DPP6: variants seen among roughly 807,000 people sequenced by gnomAD.
The protein encoded by DPP6 is dipeptidyl peptidase like 6.
In DPP6, 69 loss-of-function variants were observed where a neutral mutation model predicts 122.6. The ratio of observed to expected loss-of-function variants is 0.56; its 90% CI spans 0.46 to 0.69. DPP6 has a LOEUF of 0.69. Among genes scored for constraint, DPP6 ranks in the 30% least tolerant of loss-of-function variants. The pLI is 0.00. For synonymous variants in DPP6, 418 were observed against 433.1 expected (o/e 0.97, Z 0.43); for missense variants, 928 against 1,116.9 (o/e 0.83, Z 2.41).
intron 1 of DPP6, among the ~76,000 whole-genome samples, chr7:154,397,316 T>C (rs1815178479): frequency 1.3e-5 from 2 of 152,138 alleles, no homozygotes; most frequent in Non-Finnish European, 2.9e-5. Context: ...TGTTCAATTT[T>C]AATCTATATC....
intron 5 of DPP6, among the ~76,000 whole-genome samples, chr7:154,568,104 C>T (rs1324721040): frequency 1.3e-5 from 2 of 152,160 alleles, no homozygotes; most frequent in East Asian, 1.9e-4. Flanking sequence ...GTGAACTTGA[C>T]ATTCTAAAAG....
chr7:154,826,013 C>T (rs1800117014), intron 16 of DPP6, among the ~76,000 whole-genome samples: 1 of 152,206 alleles, frequency 6.6e-6, no homozygotes, highest in Non-Finnish European at 1.5e-5. Flanking sequence ...TAGTGAGTAA[C>T]TGCAGAGGAA....
At chr7:153,992,977 T>TC (rs1797251433) in intron 1 of DPP6, among the ~76,000 whole-genome samples, 1 of 152,020 alleles carries the variant, frequency 6.6e-6, no homozygotes, top group Non-Finnish European at 1.5e-5. Context: ...CATAGCTCTC[T>TC]CCCCCTACCT....
intron 1 of DPP6, among the ~76,000 whole-genome samples, chr7:154,155,532 G>C (rs537222399): frequency 6.6e-6 from 1 of 152,322 alleles, no homozygotes; most frequent in East Asian, 1.9e-4. Context: ...GTGAGTAACT[G>C]TGTGTCCAGA....
chr7:154,338,570 A>C (rs1809635964), intron 1 of DPP6, among the ~76,000 whole-genome samples: 1 of 152,194 alleles, frequency 6.6e-6, no homozygotes, highest in South Asian at 2.1e-4. Context: ...CCCCAGGGCC[A>C]GTGTTAATTT....
chr7:154,892,903 G>A lies in DPP6; in HGVS notation c.*423G>A, dbSNP rs1328768333. ...TTAGGGACATCACACCCTGTCTCAC[G>A]TCGCAGTGCCATGGACGCAGCAGTT... On this transcript the variant is annotated 3_prime_UTR_variant, in exon 26 of 26. Coordinates refer to ENST00000377770, the MANE Select transcript of DPP6 (RefSeq NM_130797.4). The A allele has an allele frequency of 1.9e-6, 1 of 525,380 alleles. No individual in the cohort carries two copies. 32.5% of individuals were successfully genotyped at this position (525,380 alleles called of 1,614,324 possible).
At position 154,460,982 on chromosome 7, in the gene DPP6, C is replaced by T. The variant is rs539576168; in HGVS notation, c.359-13957C>T. On this transcript the variant is annotated intron_variant, in intron 2 of 25. Coordinates refer to ENST00000377770, the MANE Select transcript of DPP6 (RefSeq NM_130797.4). ...TATTTTTGTACCCATTAACCATCCCCCTCTGCCCACCCCCACCATCCACCA... is the reference window on the plus strand; with the variant it reads ...TATTTTTGTACCCATTAACCATCCCTCTCTGCCCACCCCCACCATCCACCA... Among the ~76,000 whole-genome samples the T allele has an allele frequency of 1.1e-4, 17 of 152,048 alleles. 1 individual carries two copies. The East Asian group carries it at 3.3e-3, about 29-fold the overall frequency.
intron 6 of DPP6, among the ~76,000 whole-genome samples, chr7:154,639,954 C>T (rs907600133): frequency 9.9e-5 from 15 of 152,232 alleles, no homozygotes; most frequent in African/African-American, 1.9e-4. Flanking sequence ...CAGGCTGACT[C>T]GAAATCCCAT....
At chr7:153,879,626 G>C in the DPP6 span, among the ~76,000 whole-genome samples, 1 of 152,118 alleles carries the variant, frequency 6.6e-6, no homozygotes, top group African/African-American at 2.4e-5. Context: ...CTGACCTCAG[G>C]TGAACCACCT....
chr7:154,642,728 C>T (rs1256014435), intron 6 of DPP6, among the ~76,000 whole-genome samples: 4 of 151,896 alleles, frequency 2.6e-5, no homozygotes, highest in Non-Finnish European at 5.9e-5. Context: ...CACTTGAGTT[C>T]GAGACCAGCC....
rs538052339 is a variant in DPP6 at position 154,511,436 on chromosome 7, G to A, written c.458-29096G>A. ...CACGCCATGTGTTTGAGAATTCAGC[G>A]CAGGTAAAGAAATGTTTTTTTGCAT... On this transcript the variant is annotated intron_variant, in intron 3 of 25. Transcript: ENST00000377770. 1.9e-3 allele frequency among the ~76,000 whole-genome samples: 291 copies of A among 152,262 alleles called. 2 individuals are homozygous for A. Among genetic ancestry groups the A allele is most frequent in the Non-Finnish European group, 3.0e-3 (207 of 68,006 alleles).
chr7:154,464,116 G>A (rs1245786530), intron 2 of DPP6, among the ~76,000 whole-genome samples: 1 of 152,222 alleles, frequency 6.6e-6, no homozygotes, highest in African/African-American at 2.4e-5. Context: ...GGTGAGGCTT[G>A]CTGGAGCTCA....
At chr7:154,553,509 T>C (rs566096498) in intron 4 of DPP6, among the ~76,000 whole-genome samples, 2 of 152,332 alleles carry the variant, frequency 1.3e-5, no homozygotes, top group East Asian at 3.9e-4. Context: ...CACTCTACGT[T>C]CATTATCTTA....
chr7:154,103,004 C>T (rs999321054), intron 1 of DPP6, among the ~76,000 whole-genome samples: 1 of 152,032 alleles, frequency 6.6e-6, no homozygotes, highest in Non-Finnish European at 1.5e-5. Context: ...AGGCCAGCCC[C>T]ATGGGGTCAG....
chr7:154,871,444 C>T (rs1054004365), intron 18 of DPP6, among the ~76,000 whole-genome samples: 1 of 152,206 alleles, frequency 6.6e-6, no homozygotes, highest in African/African-American at 2.4e-5. Flanking sequence ...TGTTTTTTTA[C>T]TTTATGCTAC....
intron 1 of DPP6, among the ~76,000 whole-genome samples, chr7:154,418,280 AT>A (rs1238067902): frequency 6.6e-6 from 1 of 152,206 alleles, no homozygotes; most frequent in Non-Finnish European, 1.5e-5. Context: ...CTTTGGTAGC[AT>A]CCTTTTGTTC....
chr7:154,167,246 G>A (rs1339236478), intron 1 of DPP6, among the ~76,000 whole-genome samples: 1 of 152,196 alleles, frequency 6.6e-6, no homozygotes, highest in Non-Finnish European at 1.5e-5. Flanking sequence ...CTGCATTGAG[G>A]AGAGGGTGGG....
intron 6 of DPP6, among the ~76,000 whole-genome samples, chr7:154,650,787 A>G (rs1836829577): frequency 6.6e-6 from 1 of 152,182 alleles, no homozygotes. Flanking sequence ...CAGACTAGAA[A>G]TTAATTCAAA....
intron 1 of DPP6, among the ~76,000 whole-genome samples, chr7:153,891,120 CA>C (rs1234100777): frequency 6.8e-6 from 1 of 147,238 alleles, no homozygotes; most frequent in African/African-American, 2.5e-5. Context: ...CTCCCGGGTT[CA>C]TGCCATTCTC....
Sources: allele counts gnomAD v4.1 joint callset (sites outside exome capture counted in the v4.1 genomes callset), GRCh38; gene constraint gnomAD v4.1.1; transcripts MANE v1.5; gene names NCBI Gene and HGNC (gene_info 2026-07-23, HGNC 2026-07-21).